TIMP2: variants seen among roughly 807,000 people sequenced by gnomAD.
TIMP2 encodes metalloproteinase inhibitor 2.
Under a neutral mutation model 24.3 loss-of-function variants are expected in TIMP2, and 5 were observed. That is an observed-to-expected ratio of 0.21 (90% CI 0.11 to 0.43). The LOEUF is 0.43. Among genes scored for constraint, TIMP2 ranks in the 20% least tolerant of loss-of-function variants. The pLI, the probability that TIMP2 is intolerant of heterozygous loss-of-function variation, is 1.00. For synonymous variants in TIMP2, 130 were observed against 123.2 expected, an observed-to-expected ratio of 1.06 and a Z score of -0.37; for missense variants, 221 against 297.5, an observed-to-expected ratio of 0.74 and a Z score of 1.89.
At position 78,924,639 on chromosome 17, in the gene TIMP2, A is replaced by T. The variant is rs2070335126; in HGVS notation, c.130+320T>A. Among the ~76,000 whole-genome samples the T allele has an allele frequency of 6.9e-6, 1 of 144,526 alleles. No homozygotes were observed. The allele number at this position is 144,526 out of a possible 152,430, so 94.8% of individuals were successfully genotyped here. A position where few individuals can be genotyped will look rare whatever the true frequency, so the allele number is the denominator to read the frequency against. ...CGTGTCCCCCACGCTCCCCGCCCCC[A>T]GCGCTGGCATCCCAGGGCGCGCCGC... On this transcript the variant is annotated intron_variant, in intron 1 of 4. Coordinates refer to ENST00000262768, the MANE Select transcript of TIMP2 (RefSeq NM_003255.5). The surrounding 1 kb of genome is among the most constrained non-coding windows in gnomAD (Gnocchi z 5.3).
Position 78,891,189 on chromosome 17 carries a change from C to CCGTG in TIMP2, c.131-17274_131-17271dup. 6.4e-7 allele frequency: 1 copy of CCGTG among 1,550,690 alleles called. No individual in the cohort carries two copies. The highest frequency in any genetic ancestry group is 8.7e-7 in the Non-Finnish European group (1 of 1,147,032). On this transcript the variant is annotated intron_variant, in intron 1 of 4. Transcript: ENST00000262768. This position sits in a 1 kb window ranked among gnomAD's most constrained non-coding sequence, Gnocchi z 4.5. ...CTTCCATTTCTAAACGTGGGCTTGACCGTGCCCTGATATTTTTGGTTCTGG... is the reference window on the plus strand; with the variant it reads ...CTTCCATTTCTAAACGTGGGCTTGACCGTGCGTGCCCTGATATTTTTGGTTCTGG...
intron 1 of TIMP2, among the ~76,000 whole-genome samples, chr17:78,909,278 C>T (rs1235178372): frequency 6.6e-6 from 1 of 151,978 alleles, no homozygotes; most frequent in African/African-American, 2.4e-5. Context: ...CTGCTTGAGC[C>T]CAGGTGGTTA....
intron 3 of TIMP2, 151 bp downstream of exon 3, chr17:78,870,747 A>C (rs2069674542): frequency 1.9e-6 from 1 of 527,180 alleles, no homozygotes; most frequent in Non-Finnish European, 3.3e-6. Context: ...CTCTGACGGG[A>C]AGTGGCCGAG....
chr17:78,920,008 T>G lies in TIMP2; in HGVS notation c.130+4951A>C, dbSNP rs531501437. On this transcript the variant is annotated intron_variant, in intron 1 of 4. Transcript: ENST00000262768. This position sits in a 1 kb window ranked among gnomAD's most constrained non-coding sequence, Gnocchi z 4.5. ...TCTTTGCTTCCTTCTTATCTCCTCCTCCCTGCTGTTGCATCCCTCCTCGCA... is the reference window on the plus strand; with the variant it reads ...TCTTTGCTTCCTTCTTATCTCCTCCGCCCTGCTGTTGCATCCCTCCTCGCA... Among the ~76,000 whole-genome samples the G allele has an allele frequency of 6.6e-6, 1 of 152,200 alleles. No homozygotes were observed. Among genetic ancestry groups the G allele is most frequent in the African/African-American group, 2.4e-5 (1 of 41,524 alleles).
intron 3 of TIMP2, among the ~76,000 whole-genome samples, chr17:78,869,443 A>G (rs1388899061): frequency 1.3e-5 from 2 of 150,678 alleles, no homozygotes; most frequent in South Asian, 2.1e-4. Context: ...CCAAAAAACT[A>G]TAAACAAAGA....
In TIMP2 at chr17:78,855,397, G is replaced by A. The variant is rs2069517077; in HGVS notation, c.*270C>T. 5 of 499,944 alleles carry A rather than the reference G, an allele frequency of 1.0e-5. No individual in the cohort carries two copies. The highest frequency in any genetic ancestry group is 3.8e-5 in the African/African-American group (2 of 51,972). 31.0% of individuals were successfully genotyped at this position (499,944 alleles called of 1,614,324 possible). ...AGGCAGGGACTGGGAGGGAAGCCGCGTGTCCCAGCCCTGCCTGCACCCAAG... is the reference window on the plus strand; with the variant it reads ...AGGCAGGGACTGGGAGGGAAGCCGCATGTCCCAGCCCTGCCTGCACCCAAG... On this transcript the variant is annotated 3_prime_UTR_variant, in exon 5 of 5. Coordinates refer to ENST00000262768, the MANE Select transcript of TIMP2 (RefSeq NM_003255.5). This position sits in a 1 kb window ranked among gnomAD's most constrained non-coding sequence, Gnocchi z 6.0.
intron 1 of TIMP2, chr17:78,922,493 C>G (rs545468767): frequency 1.5e-4 from 23 of 152,286 alleles, no homozygotes; most frequent in Admixed American, 1.5e-3. Context: ...TAGGGTGGGC[C>G]CTAAATCCAA....
At chr17:78,907,133 A>C (rs1240345607) in intron 1 of TIMP2, among the ~76,000 whole-genome samples, 1 of 152,122 alleles carries the variant, frequency 6.6e-6, no homozygotes, top group African/African-American at 2.4e-5. Flanking sequence ...TCTCAGGCTC[A>C]AGTGATCCTC....
chr17:78,905,197 G>A (rs1372298267), intron 1 of TIMP2, among the ~76,000 whole-genome samples: 1 of 151,552 alleles, frequency 6.6e-6, no homozygotes, highest in Non-Finnish European at 1.5e-5. Context: ...GGACCTCAGA[G>A]CTCCTGGGCC....
In TIMP2 at chr17:78,855,891, G is replaced by A. The variant is rs1599142933; in HGVS notation, c.466-27C>T. The A allele has an allele frequency of 2.5e-6, 4 of 1,612,284 alleles. No individual in the cohort carries two copies. Among genetic ancestry groups the A allele is most frequent in the Middle Eastern group, 1.7e-4 (1 of 6,054 alleles). The stretch of plus-strand genomic sequence containing the variant: ...TGGGGAGGGGCACACGGAGGGGGAC[G>A]GAGTCAGGGACCCAGGAAGGGGTGG... On this transcript the variant is annotated intron_variant, in intron 4 of 4. Transcript: ENST00000262768. This position sits in a 1 kb window ranked among gnomAD's most constrained non-coding sequence, Gnocchi z 6.0.
chr17:78,917,113 G>A (rs1405733818), intron 1 of TIMP2, among the ~76,000 whole-genome samples: 5 of 152,048 alleles, frequency 3.3e-5, no homozygotes, highest in South Asian at 2.1e-4. Flanking sequence ...TTAGCCGGGC[G>A]TAGTGGCGGG....
Position 78,891,122 on chromosome 17 carries a change from T to G in TIMP2, c.131-17203A>C, listed in dbSNP as rs1291467115. 1 of 1,550,788 alleles carries G rather than the reference T, an allele frequency of 6.4e-7. No individual in the cohort carries two copies. The highest frequency in any genetic ancestry group is 1.2e-5 in the South Asian group (1 of 84,064). On this transcript the variant is annotated intron_variant, in intron 1 of 4. Coordinates refer to ENST00000262768, the MANE Select transcript of TIMP2 (RefSeq NM_003255.5). This position sits in a 1 kb window ranked among gnomAD's most constrained non-coding sequence, Gnocchi z 4.5. ...TTCAGTGCTATACAATAATGAGTCC[T>G]CTTTGTTGATAAATATACCTGCCTC... is the stretch of plus-strand genomic sequence containing the variant.
At chr17:78,865,183 A>G (rs1240076203) in intron 3 of TIMP2, among the ~76,000 whole-genome samples, 1 of 152,206 alleles carries the variant, frequency 6.6e-6, no homozygotes, top group African/African-American at 2.4e-5. Flanking sequence ...AGAATGGGCA[A>G]ATTCATGGAG....
At chr17:78,865,411 G>A (rs895332334) in intron 3 of TIMP2, among the ~76,000 whole-genome samples, 1 of 151,984 alleles carries the variant, frequency 6.6e-6, no homozygotes, top group Non-Finnish European at 1.5e-5. Context: ...GATCACCTGA[G>A]GTCAGGAGTT....
chr17:78,859,294 G>A (rs897544367), intron 3 of TIMP2, among the ~76,000 whole-genome samples: 5 of 152,134 alleles, frequency 3.3e-5, no homozygotes, highest in Admixed American at 1.3e-4. Context: ...TTTACAAGCA[G>A]GAGGAAAAGA....
At chr17:78,908,294 T>C (rs1451412197) in intron 1 of TIMP2, among the ~76,000 whole-genome samples, 3 of 152,150 alleles carry the variant, frequency 2.0e-5, no homozygotes, top group African/African-American at 7.2e-5. Flanking sequence ...GCTAAATACT[T>C]CCATGTGTCC....
intron 1 of TIMP2, chr17:78,899,871 C>T (rs1308161422): frequency 3.3e-5 from 5 of 152,232 alleles, no homozygotes; most frequent in African/African-American, 9.6e-5. Flanking sequence ...AGCACCCGGG[C>T]CACATAGTCA....
intron 3 of TIMP2, among the ~76,000 whole-genome samples, chr17:78,870,514 C>A (rs1474363485): frequency 6.6e-6 from 1 of 151,888 alleles, no homozygotes; most frequent in African/African-American, 2.4e-5. Flanking sequence ...AAAAAGGAGA[C>A]AGATGAATGA....
At chr17:78,889,519 C>T (rs995799169) in intron 1 of TIMP2, among the ~76,000 whole-genome samples, 1 of 152,256 alleles carries the variant, frequency 6.6e-6, no homozygotes, top group African/African-American at 2.4e-5. Flanking sequence ...TTGGTTCAAT[C>T]TCCGTTAATG....
Sources: allele counts gnomAD v4.1 joint callset (sites outside exome capture counted in the v4.1 genomes callset), GRCh38; gene constraint gnomAD v4.1.1; non-coding constraint Gnocchi (gnomAD v3.1); transcripts MANE v1.5; gene names NCBI Gene and HGNC (gene_info 2026-07-23, HGNC 2026-07-21).